The following RBMS1 variants were observed in gnomAD, a reference collection of about 807,000 sequenced individuals.
RBMS1 encodes the protein RNA binding motif single stranded interacting protein 1.
Under a neutral mutation model 62.3 loss-of-function variants are expected in RBMS1, and 17 were observed. The observed-to-expected ratio is 0.27, with a 90% confidence interval of 0.19 to 0.41. RBMS1 has a LOEUF of 0.41. Among genes scored for constraint, RBMS1 ranks in the 10% least tolerant of loss-of-function variants. The pLI is 1.00. For missense variants in RBMS1, 334 were observed against 504.5 expected, an observed-to-expected ratio of 0.66 and a Z score of 3.24; for synonymous variants, 172 against 170.0, an observed-to-expected ratio of 1.01 and a Z score of -0.09.
At chr2:160,378,444 T>C (rs1165729411) in intron 1 of RBMS1, among the ~76,000 whole-genome samples, 5 of 151,714 alleles carry the variant, frequency 3.3e-5, no homozygotes, top group African/African-American at 9.7e-5. Context: ...AAAATCCCAT[T>C]TATACAAAAA....
At chr2:160,449,402 AAAAG>A (rs1683860388) in intron 1 of RBMS1, among the ~76,000 whole-genome samples, 2 of 152,364 alleles carry the variant, frequency 1.3e-5, no homozygotes, top group South Asian at 4.1e-4. Context: ...AAATGTGGGG[AAAAG>A]AAAGAGAGAT....
At chr2:160,349,153 T>C (rs527525634) in intron 2 of RBMS1, among the ~76,000 whole-genome samples, 2 of 152,160 alleles carry the variant, frequency 1.3e-5, no homozygotes, top group South Asian at 2.1e-4. Flanking sequence ...CCAGGCACAG[T>C]AGGAAAGAGT....
intron 4 of RBMS1, among the ~76,000 whole-genome samples, chr2:160,311,109 G>A (rs186716197): frequency 4.0e-5 from 6 of 150,888 alleles, no homozygotes; most frequent in South Asian, 4.2e-4. Flanking sequence ...CAGGAGAATC[G>A]CTTGAACCTG....
Position 160,456,380 on chromosome 2 carries a change from C to A in RBMS1, c.75+36909G>T, listed in dbSNP as rs779802822. On this transcript the variant is annotated intron_variant, in intron 1 of 13. Coordinates refer to ENST00000348849, the MANE Select transcript of RBMS1 (RefSeq NM_016836.4). ...AGCTAAAAGGTGTACGTGAAGTCAT[C>A]TGGCACTTTTGCAAAGGAATTCTAG... Among the ~76,000 whole-genome samples the A allele has an allele frequency of 5.8e-4, 89 of 152,196 alleles. 1 individual carries two copies. Among genetic ancestry groups the A allele is most frequent in the Non-Finnish European group, 2.9e-4 (20 of 68,028 alleles).
At chr2:160,328,420 T>C (rs1175952800) in intron 2 of RBMS1, among the ~76,000 whole-genome samples, 4 of 150,292 alleles carry the variant, frequency 2.7e-5, no homozygotes, top group African/African-American at 7.3e-5. Context: ...TTTTTTTTTT[T>C]CATATTGTAA....
chr2:160,323,627 A>AAAC (rs1300477600), intron 2 of RBMS1, among the ~76,000 whole-genome samples: 2 of 151,772 alleles, frequency 1.3e-5, no homozygotes, highest in Non-Finnish European at 2.9e-5. Flanking sequence ...AAAAAAAAAA[A>AAAC]AAAACTGTGA....
chr2:160,450,738 AC>A (rs1284231654), intron 1 of RBMS1, among the ~76,000 whole-genome samples: 6 of 152,158 alleles, frequency 3.9e-5, no homozygotes, highest in Admixed American at 1.3e-4. Context: ...CTATAATTAA[AC>A]AGGAAGATAA....
intron 6 of RBMS1, among the ~76,000 whole-genome samples, chr2:160,289,495 G>C (rs1241763413): frequency 6.6e-6 from 1 of 152,158 alleles, no homozygotes; most frequent in Non-Finnish European, 1.5e-5. Flanking sequence ...AATTCTAACA[G>C]CTTTCCTCTT....
chr2:160,330,849 T>A (rs1376403154), intron 2 of RBMS1, among the ~76,000 whole-genome samples: 1 of 152,176 alleles, frequency 6.6e-6, no homozygotes, highest in South Asian at 2.1e-4. Flanking sequence ...TGATCTTATT[T>A]AGAAACAGGG....
chr2:160,277,634 AG>A (rs545580550), intron 11 of RBMS1: 153 of 364,090 alleles, frequency 4.2e-4, no homozygotes, highest in Non-Finnish European at 7.2e-4. Context: ...AGATAAAAAA[AG>A]TTTATTATGG....
intron 1 of RBMS1, among the ~76,000 whole-genome samples, chr2:160,461,738 A>G (rs1442051266): frequency 6.6e-6 from 1 of 152,234 alleles, no homozygotes; most frequent in Non-Finnish European, 1.5e-5. Context: ...TGGCTCACAC[A>G]AGTATTTGCC....
intron 1 of RBMS1, among the ~76,000 whole-genome samples, chr2:160,465,865 T>TACACACACACACACACAC (rs72005445): frequency 6.8e-6 from 1 of 146,642 alleles, no homozygotes; most frequent in South Asian, 2.2e-4. Flanking sequence ...CACACACACA[T>TACACACACACACACACAC]ACACACACAC....
chr2:160,368,187 T>C lies in RBMS1; in HGVS notation c.76-796A>G, dbSNP rs536801266. 2.0e-5 allele frequency among the ~76,000 whole-genome samples: 3 copies of C among 152,184 alleles called. No homozygotes were observed. The South Asian group carries it at 6.2e-4, about 32-fold the overall frequency. On this transcript the variant is annotated intron_variant, in intron 1 of 13. Transcript: ENST00000348849. ...GTTCTCTGACCCAGTGCCACACACA[T>C]GACTTTGAGGAAGTTAAATGGCTCA...
intron 1 of RBMS1, among the ~76,000 whole-genome samples, chr2:160,478,064 T>C (rs1685215449): frequency 6.6e-6 from 1 of 152,270 alleles, no homozygotes; most frequent in Non-Finnish European, 1.5e-5. Flanking sequence ...AAAAAGGCAC[T>C]GCATGCTGTC....
rs1342268427 is a variant in RBMS1 at position 160,272,292 on chromosome 2, G to T, written c.*2480C>A. On this transcript the variant is annotated 3_prime_UTR_variant, in exon 14 of 14. Coordinates refer to ENST00000348849, the MANE Select transcript of RBMS1 (RefSeq NM_016836.4). ...GGAAAGAAAACTACAGAGTTATCTTGAACCGGACAAATAAGTTACCACTGG... is the reference window on the plus strand; with the variant it reads ...GGAAAGAAAACTACAGAGTTATCTTTAACCGGACAAATAAGTTACCACTGG... The T allele has an allele frequency of 6.6e-6, 1 of 152,130 alleles. No individual in the cohort carries two copies. The highest frequency in any genetic ancestry group is 2.4e-5 in the African/African-American group (1 of 41,440). The allele number at this position is 152,130 out of a possible 1,614,324, so 9.4% of individuals were successfully genotyped here. A position where few individuals can be genotyped will look rare whatever the true frequency, so the allele number is the denominator to read the frequency against.
At chr2:160,456,473 C>T (rs1684235732) in intron 1 of RBMS1, among the ~76,000 whole-genome samples, 1 of 152,086 alleles carries the variant, frequency 6.6e-6, no homozygotes, top group Non-Finnish European at 1.5e-5. Flanking sequence ...AGATTGTTAC[C>T]TTACTCCTTC....
intron 1 of RBMS1, among the ~76,000 whole-genome samples, chr2:160,430,151 C>A (rs764487440): frequency 2.0e-5 from 3 of 152,220 alleles, no homozygotes; most frequent in Admixed American, 1.3e-4. Flanking sequence ...CATGCAGCTG[C>A]CTGAGTGACC....
rs946168355 is a variant in RBMS1 at position 160,493,324 on chromosome 2, C to A, written c.40G>T (p.Ala14Ser). The A allele has an allele frequency of 6.2e-7, 1 of 1,613,470 alleles. No individual in the cohort carries two copies. Among genetic ancestry groups the A allele is most frequent in the South Asian group, 1.1e-5 (1 of 91,068 alleles). Residue 14 changes from alanine (A) to serine (S), a missense_variant, in exon 1 of 14, where the codon GCC becomes TCC. Coordinates refer to ENST00000348849, the MANE Select transcript of RBMS1 (RefSeq NM_016836.4). The stretch of plus-strand genomic sequence containing the variant: ...AGATACTGGGGGTAATAGTAGGTGG[C>A]GTACTGAGGGTACATCTGCTGTTTC... ...VWKQQMYPQY[A>S]TYYYPQYLQA...
intron 6 of RBMS1, among the ~76,000 whole-genome samples, chr2:160,297,355 G>A (rs543259941): frequency 3.9e-5 from 6 of 152,162 alleles, no homozygotes; most frequent in African/African-American, 1.4e-4. Flanking sequence ...CTGCAAATCA[G>A]ATCAGAAGAC....
Sources: allele counts gnomAD v4.1 joint callset (sites outside exome capture counted in the v4.1 genomes callset), GRCh38; gene constraint gnomAD v4.1.1; transcripts MANE v1.5; gene names NCBI Gene and HGNC (gene_info 2026-07-23, HGNC 2026-07-21).